Variants in ROCK1 observed in about 807,000 individuals in gnomAD.
ROCK1 encodes the protein Rho associated coiled-coil containing protein kinase 1, also known as rho-associated protein kinase 1.
A neutral mutation model predicts 196.8 loss-of-function variants in ROCK1; 36 were observed. The ratio of observed to expected loss-of-function variants is 0.18; its 90% confidence interval spans 0.14 to 0.24. The LOEUF (loss-of-function observed/expected upper bound fraction) is 0.24. ROCK1 is among the 10% of genes least tolerant of loss of function. The pLI is 1.00. For missense variants in ROCK1, 920 were observed against 1,562.0 expected (o/e 0.59, Z 6.93); for synonymous variants, 443 against 515.9 (o/e 0.86, Z 1.91).
chr18:20,951,347 C>T lies in ROCK1; in HGVS notation c.*37G>A, dbSNP rs758391850. 2 of 1,594,670 alleles carry T rather than the reference C, an allele frequency of 1.3e-6. No homozygotes were observed. The highest frequency in any genetic ancestry group is 2.3e-5 in the South Asian group (2 of 88,240). ...TAAAGAAGCCTGGTTTATCAGGTAGCATCCCACACGATTCCACAGGGCACT... is the reference window on the plus strand; with the variant it reads ...TAAAGAAGCCTGGTTTATCAGGTAGTATCCCACACGATTCCACAGGGCACT... On this transcript the variant is annotated 3_prime_UTR_variant, in exon 33 of 33. Coordinates refer to ENST00000399799, the MANE Select transcript of ROCK1 (RefSeq NM_005406.3).
intron 12 of ROCK1, among the ~76,000 whole-genome samples, chr18:21,018,257 C>T (rs975678024): frequency 4.0e-5 from 6 of 151,558 alleles, no homozygotes; most frequent in African/African-American, 1.5e-4. Flanking sequence ...GGGCCAGGCA[C>T]GGTGGCTCAC....
intron 1 of ROCK1, among the ~76,000 whole-genome samples, chr18:21,091,020 T>C (rs1225817100): frequency 6.6e-6 from 1 of 151,310 alleles, no homozygotes; most frequent in East Asian, 2.0e-4. Context: ...ACAACATGAG[T>C]TGGAACTGCA....
intron 9 of ROCK1, 127 bp downstream of exon 9, chr18:21,039,345 C>T: frequency 3.0e-6 from 2 of 668,050 alleles, no homozygotes; most frequent in East Asian, 5.5e-5. Flanking sequence ...TAGGACAATT[C>T]CCATATAGTA....
chr18:21,067,788 G>A (rs568095319), intron 2 of ROCK1, among the ~76,000 whole-genome samples: 89 of 152,210 alleles, frequency 5.8e-4, no homozygotes, highest in African/African-American at 2.6e-4. Context: ...TTGGTATTAC[G>A]TCTAAGAAAC....
chr18:21,027,360 G>A (rs2035967412), intron 10 of ROCK1, among the ~76,000 whole-genome samples: 1 of 152,140 alleles, frequency 6.6e-6, no homozygotes, highest in Non-Finnish European at 1.5e-5. Context: ...GCAATTTGGT[G>A]CTCAGTATAT....
intron 1 of ROCK1, among the ~76,000 whole-genome samples, chr18:21,078,126 C>T (rs770527221): frequency 6.6e-6 from 1 of 152,082 alleles, no homozygotes; most frequent in African/African-American, 2.4e-5. Flanking sequence ...CCCAGGAGTT[C>T]GAGACCAGCC....
At chr18:21,029,025 T>C in intron 9 of ROCK1, 90 bp from the exon 10 acceptor site, 1 of 1,326,616 alleles carries the variant, frequency 7.5e-7, no homozygotes, top group South Asian at 1.3e-5. Flanking sequence ...ATGGTTTCTC[T>C]CTTATAAAAC....
intron 1 of ROCK1, among the ~76,000 whole-genome samples, chr18:21,105,321 T>C (rs1177810575): frequency 6.6e-6 from 1 of 152,202 alleles, no homozygotes; most frequent in African/African-American, 2.4e-5. Flanking sequence ...CTTGTTTTTT[T>C]AAAAGAAGTT....
intron 12 of ROCK1, 54 bp from the exon 13 acceptor site, chr18:21,015,533 G>T: frequency 9.2e-7 from 1 of 1,088,626 alleles, no homozygotes; most frequent in South Asian, 1.3e-5. Flanking sequence ...TTATTGCCCA[G>T]TGTTAAACAC....
chr18:20,956,305 A>G (rs947717951), intron 29 of ROCK1, among the ~76,000 whole-genome samples: 43 of 152,348 alleles, frequency 2.8e-4, no homozygotes, highest in African/African-American at 9.4e-4. Flanking sequence ...TTGTCTCTAG[A>G]TAATATCTAA....
At chr18:21,022,773 C>T (rs1006762394) in intron 11 of ROCK1, among the ~76,000 whole-genome samples, 2 of 151,990 alleles carry the variant, frequency 1.3e-5, no homozygotes, top group Admixed American at 1.3e-4. Flanking sequence ...TTATTGTTTC[C>T]CTCTACTGAT....
In ROCK1 at chr18:21,088,145, G is replaced by A. The variant is rs142251456; in HGVS notation, c.94-17532C>T. Among the ~76,000 whole-genome samples the A allele has an allele frequency of 1.2e-4, 18 of 152,258 alleles. 1 individual carries two copies. The highest frequency in any genetic ancestry group is 1.8e-4 in the Non-Finnish European group (12 of 68,016). ...ATGAGAACACAACACTGGAATTTGTGGAATACAGCTAAATCACTGCTAAAA... is the reference window on the plus strand; with the variant it reads ...ATGAGAACACAACACTGGAATTTGTAGAATACAGCTAAATCACTGCTAAAA... On this transcript the variant is annotated intron_variant, in intron 1 of 32. Coordinates refer to ENST00000399799, the MANE Select transcript of ROCK1 (RefSeq NM_005406.3).
intron 27 of ROCK1, among the ~76,000 whole-genome samples, chr18:20,966,197 T>G (rs1483856465): frequency 3.3e-5 from 5 of 152,212 alleles, no homozygotes; most frequent in Non-Finnish European, 7.3e-5. Flanking sequence ...CTCATTTTAT[T>G]TCTAAATTGA....
intron 8 of ROCK1, among the ~76,000 whole-genome samples, chr18:21,041,302 T>C (rs918855953): frequency 2.0e-5 from 3 of 149,754 alleles, no homozygotes; most frequent in African/African-American, 7.3e-5. Flanking sequence ...AAGTAAACAT[T>C]TGAAAAACCA....
intron 1 of ROCK1, among the ~76,000 whole-genome samples, chr18:21,070,838 T>C (rs1014332209): frequency 6.6e-6 from 1 of 152,182 alleles, no homozygotes; most frequent in Non-Finnish European, 1.5e-5. Flanking sequence ...GGCAAGAAAA[T>C]TACCACAGAT....
intron 1 of ROCK1, among the ~76,000 whole-genome samples, chr18:21,093,646 G>A (rs775302982): frequency 8.6e-5 from 13 of 151,880 alleles, no homozygotes; most frequent in Middle Eastern, 3.2e-3. Flanking sequence ...GACCCTACCC[G>A]CCTGATCACA....
chr18:21,082,035 T>A (rs2036486939), intron 1 of ROCK1, among the ~76,000 whole-genome samples: 1 of 152,192 alleles, frequency 6.6e-6, no homozygotes, highest in Non-Finnish European at 1.5e-5. Context: ...CACTGCAACC[T>A]CTGCTTCCTG....
At chr18:21,087,509 A>G (rs1446515327) in intron 1 of ROCK1, among the ~76,000 whole-genome samples, 1 of 152,204 alleles carries the variant, frequency 6.6e-6, no homozygotes, top group Non-Finnish European at 1.5e-5. Flanking sequence ...ATTAATCAAA[A>G]GAAAGTGGGT....
chr18:20,960,962 T>C (rs866664462), intron 27 of ROCK1, among the ~76,000 whole-genome samples: 18 of 152,170 alleles, frequency 1.2e-4, no homozygotes, highest in South Asian at 2.1e-4. Context: ...ACAGAATCCA[T>C]TTGGTCTACT....
Sources: allele counts gnomAD v4.1 joint callset (sites outside exome capture counted in the v4.1 genomes callset), GRCh38; gene constraint gnomAD v4.1.1; transcripts MANE v1.5; gene names NCBI Gene and HGNC (gene_info 2026-07-23, HGNC 2026-07-21).